Variants in ZNF428 observed in about 807,000 individuals in gnomAD.
The protein encoded by ZNF428 is enzyme-like protein PIT13.
Under a neutral mutation model 15.6 loss-of-function variants are expected in ZNF428, and 5 were observed. The ratio of observed to expected loss-of-function variants is 0.32; its 90% CI spans 0.17 to 0.67. ZNF428 has a LOEUF of 0.67. Among genes scored for constraint, ZNF428 ranks in the 30% least tolerant of loss-of-function variants. The pLI, the probability that ZNF428 is intolerant of heterozygous loss-of-function variation, is 0.73. For synonymous variants in ZNF428, 97 were observed against 102.2 expected, an observed-to-expected ratio of 0.95 and a Z score of 0.31; for missense variants, 237 against 256.0, an observed-to-expected ratio of 0.93 and a Z score of 0.51.
intron 2 of ZNF428, among the ~76,000 whole-genome samples, chr19:43,610,857 G>A (rs1011170669): frequency 6.6e-6 from 1 of 151,962 alleles, no homozygotes; most frequent in Non-Finnish European, 1.5e-5. Context: ...CCTCCTGCTG[G>A]GTCCCCAGCA....
intron 2 of ZNF428, among the ~76,000 whole-genome samples, chr19:43,611,193 C>T (rs962127515): frequency 6.6e-6 from 1 of 152,192 alleles, no homozygotes; most frequent in Non-Finnish European, 1.5e-5. Context: ...CTGGGAACTC[C>T]TCAAGGGCAG....
chr19:43,619,179 T>A (rs970134036), intron 1 of ZNF428, among the ~76,000 whole-genome samples: 2 of 152,226 alleles, frequency 1.3e-5, no homozygotes, highest in Admixed American at 6.5e-5. Context: ...GTGGCAGTTC[T>A]TCCCAGGATG....
chr19:43,613,908 C>A, intron 2 of ZNF428: 1 of 1,551,700 alleles, frequency 6.4e-7, no homozygotes. Flanking sequence ...CACAGCCGAT[C>A]TAGAAGCCCC....
In ZNF428 at chr19:43,613,699, C is replaced by A. The variant is rs534357188; in HGVS notation, c.76+530G>T. Reference sequence around the variant, plus strand: ...AGAGAGATCACAGACGATCTAGAAGCCCCAGCAAGGAGAGACAGCGCAGAC... The same window carrying A: ...AGAGAGATCACAGACGATCTAGAAGACCCAGCAAGGAGAGACAGCGCAGAC... On this transcript the variant is annotated intron_variant, in intron 2 of 2. Transcript: ENST00000300811. 9 of 1,551,334 alleles carry A rather than the reference C, an allele frequency of 5.8e-6. No homozygotes were observed. The South Asian group carries it at 8.3e-5, about 14-fold the overall frequency.
chr19:43,618,833 C>T (rs1973401436), intron 1 of ZNF428, among the ~76,000 whole-genome samples: 1 of 152,084 alleles, frequency 6.6e-6, no homozygotes, highest in Admixed American at 6.6e-5. Flanking sequence ...AACCACACAC[C>T]TGGGACAATC....
chr19:43,613,350 C>T (rs988264710), intron 2 of ZNF428: 13 of 1,548,074 alleles, frequency 8.4e-6, no homozygotes, highest in Non-Finnish European at 1.1e-5. Context: ...CCCAACAAGG[C>T]GAGAGATCGC....
Position 43,607,494 on chromosome 19 carries a change from AC to A in ZNF428, c.*122del. 7.9e-7 allele frequency: 1 copy of A among 1,260,334 alleles called. No individual in the cohort carries two copies. The highest frequency in any genetic ancestry group is 1.1e-6 in the Non-Finnish European group (1 of 934,920). The allele number at this position is 1,260,334 out of a possible 1,614,324, so 78.1% of individuals were successfully genotyped here. A position where few individuals can be genotyped will look rare whatever the true frequency, so the allele number is the denominator to read the frequency against. On this transcript the variant is annotated 3_prime_UTR_variant, in exon 3 of 3. Coordinates refer to ENST00000300811, the MANE Select transcript of ZNF428 (RefSeq NM_182498.4). The surrounding 1 kb of genome is among the most constrained non-coding windows in gnomAD (Gnocchi z 5.1). ...CTTTTATTCTGGCCATCACACATCT[AC>A]TTCTAAGACAACACAGACCGGCAGT...
At chr19:43,619,459 C>A (rs1204959541) in intron 1 of ZNF428, 99 bp downstream of exon 1, 6 of 152,284 alleles carry the variant, frequency 3.9e-5, no homozygotes, top group African/African-American at 1.4e-4. Flanking sequence ...CCCCAGACCG[C>A]CGGCTCCCCG....
chr19:43,612,049 G>A lies in ZNF428; in HGVS notation c.76+2180C>T. ...CAGTTGGCCTGTGACAGGCAATCAG[G>A]TCATCGTCCACGGCTACCAGGTGTT... On this transcript the variant is annotated intron_variant, in intron 2 of 2. Coordinates refer to ENST00000300811, the MANE Select transcript of ZNF428 (RefSeq NM_182498.4). This position sits in a 1 kb window ranked among gnomAD's most constrained non-coding sequence, Gnocchi z 4.2. The A allele has an allele frequency of 8.5e-7, 1 of 1,176,328 alleles. No individual in the cohort carries two copies. The highest frequency in any genetic ancestry group is 2.6e-5 in the East Asian group (1 of 39,086). 72.9% of individuals were successfully genotyped at this position (1,176,328 alleles called of 1,614,324 possible). A position where few individuals can be genotyped will look rare whatever the true frequency, so the allele number is the denominator to read the frequency against.
chr19:43,614,338 C>T lies in ZNF428; in HGVS notation c.-34G>A. On this transcript the variant is annotated 5_prime_UTR_variant, in exon 2 of 3. Transcript: ENST00000300811. ...GAGGGGACAGGAGACAGGAGCAGAG[C>T]AGCAGCTGAGCAGCGTCCCTCCCCG... 1 of 1,569,560 alleles carries T rather than the reference C, an allele frequency of 6.4e-7. No individual in the cohort carries two copies. The highest frequency in any genetic ancestry group is 8.6e-7 in the Non-Finnish European group (1 of 1,159,120).
intron 2 of ZNF428, among the ~76,000 whole-genome samples, chr19:43,611,486 A>G (rs1238344335): frequency 6.6e-6 from 1 of 151,962 alleles, no homozygotes; most frequent in Non-Finnish European, 1.5e-5. Context: ...CACCTGGCTA[A>G]TTTTTATATT....
In ZNF428 at chr19:43,614,539, A is replaced by G. The variant is rs145431594; in HGVS notation, c.-130-105T>C. The stretch of plus-strand genomic sequence containing the variant: ...TGCTCACTGCTGGCATGGGGCACAG[A>G]GGACCCCAGCTCTGTCCCTGACTGT... On this transcript the variant is annotated intron_variant, in intron 1 of 2. Transcript: ENST00000300811. The G allele has an allele frequency of 5.9e-4, 633 of 1,069,588 alleles. 3 individuals carry two copies. The African/African-American group carries it at 9.3e-3, about 16-fold the overall frequency. The allele number at this position is 1,069,588 out of a possible 1,614,324, so 66.3% of individuals were successfully genotyped here.
At chr19:43,613,558 C>T (rs1367971657) in intron 2 of ZNF428, 1 of 1,551,418 alleles carries the variant, frequency 6.4e-7, no homozygotes, top group Admixed American at 2.0e-5. Context: ...CTAGAAGCCC[C>T]AGCAAGGAAA....
In ZNF428 at chr19:43,619,559, G is replaced by T. The variant is rs1052712274; in HGVS notation, c.-132C>A. 6.6e-6 allele frequency: 1 copy of T among 152,278 alleles called. No individual in the cohort carries two copies. Among genetic ancestry groups the T allele is most frequent in the Non-Finnish European group, 1.5e-5 (1 of 68,084 alleles). 9.4% of individuals were successfully genotyped at this position (152,278 alleles called of 1,614,324 possible). On this transcript the variant is annotated splice_region_variant and 5_prime_UTR_variant, in exon 1 of 3. Transcript: ENST00000300811. ...CGCACCCCTGCCCGGGACACTCACC[G>T]GCGCCGGCGGCCCCCGCTCCGGCTC...
intron 1 of ZNF428, among the ~76,000 whole-genome samples, chr19:43,615,554 A>G (rs1424819183): frequency 6.6e-6 from 1 of 151,974 alleles, no homozygotes; most frequent in Non-Finnish European, 1.5e-5. Context: ...AAAAATTACA[A>G]AAGTTAGCCG....
chr19:43,611,681 C>T (rs1277840838), intron 2 of ZNF428, among the ~76,000 whole-genome samples: 1 of 152,178 alleles, frequency 6.6e-6, no homozygotes, highest in Non-Finnish European at 1.5e-5. Context: ...CTCATGTCAC[C>T]TCCTCTGTGA....
chr19:43,615,806 AG>A (rs1429575690), intron 1 of ZNF428, among the ~76,000 whole-genome samples: 1 of 152,208 alleles, frequency 6.6e-6, no homozygotes, highest in Non-Finnish European at 1.5e-5. Context: ...AGAGATGTGT[AG>A]GGCAAGGTAT....
At chr19:43,608,225 AC>A (rs1200597920) in intron 2 of ZNF428, 118 bp from the exon 3 acceptor site, 2 of 1,374,688 alleles carry the variant, frequency 1.5e-6, no homozygotes, top group Non-Finnish European at 2.0e-6. Context: ...GATAGCCTAG[AC>A]ACTACCCTTC....
chr19:43,613,487 A>T (rs748734367), intron 2 of ZNF428: 5 of 1,542,976 alleles, frequency 3.2e-6, no homozygotes, highest in Admixed American at 2.0e-5. Context: ...TAGAAGTCCC[A>T]ACAAGGCAAG....
Sources: allele counts gnomAD v4.1 joint callset (sites outside exome capture counted in the v4.1 genomes callset), GRCh38; gene constraint gnomAD v4.1.1; non-coding constraint Gnocchi (gnomAD v3.1); transcripts MANE v1.5; gene names NCBI Gene and HGNC (gene_info 2026-07-23, HGNC 2026-07-21).